Variants in IL1RAPL1 observed in about 807,000 individuals in gnomAD.
IL1RAPL1 encodes the protein interleukin-1 receptor accessory protein-like 1.
Under a neutral mutation model 48.4 loss-of-function variants are expected in IL1RAPL1, and 3 were observed. The observed-to-expected ratio is 0.06, with a 90% CI of 0.03 to 0.16. The LOEUF (loss-of-function observed/expected upper bound fraction) is 0.16, where lower values mean the gene tolerates loss of function less well. IL1RAPL1 is among the 10% of genes least tolerant of loss of function. IL1RAPL1 has a pLI of 1.00. For missense variants in IL1RAPL1, 349 were observed against 530.6 expected, an observed-to-expected ratio of 0.66 and a Z score of 3.36; for synonymous variants, 185 against 187.7, an observed-to-expected ratio of 0.99 and a Z score of 0.12.
At chrX:28,883,995 T>G (rs1257383536) in intron 2 of IL1RAPL1, among the ~76,000 whole-genome samples, 1 of 111,337 alleles carries the variant, frequency 9.0e-6, no homozygotes, top group Non-Finnish European at 1.9e-5. Flanking sequence ...AGACATGTAA[T>G]CTTGGGAGAA....
intron 1 of IL1RAPL1, among the ~76,000 whole-genome samples, chrX:28,639,376 C>A (rs952430043): frequency 3.6e-5 from 4 of 111,894 alleles, no homozygotes; most frequent in African/African-American, 1.3e-4. Context: ...AATGTTGTTT[C>A]CAACTCAATT....
intron 8 of IL1RAPL1, among the ~76,000 whole-genome samples, chrX:29,930,550 G>C (rs751381636): frequency 7.1e-4 from 79 of 111,854 alleles, no homozygotes; most frequent in African/African-American, 2.4e-3. Context: ...TGGTTACCTC[G>C]AGGTGGCATG....
intron 2 of IL1RAPL1, among the ~76,000 whole-genome samples, chrX:29,118,917 CAT>C (rs1387734631): frequency 9.0e-6 from 1 of 111,727 alleles, no homozygotes; most frequent in Non-Finnish European, 1.9e-5. Flanking sequence ...GATATCCTAA[CAT>C]GTATGAAGCA....
At chrX:29,167,151 T>A (rs904213258) in intron 2 of IL1RAPL1, among the ~76,000 whole-genome samples, 4 of 111,881 alleles carry the variant, frequency 3.6e-5, no homozygotes, top group Non-Finnish European at 7.5e-5. Flanking sequence ...TTGAACACGG[T>A]GAATTCTCAG....
intron 6 of IL1RAPL1, among the ~76,000 whole-genome samples, chrX:29,836,464 CAGG>C (rs1931009203): frequency 8.9e-6 from 1 of 111,896 alleles, no homozygotes; most frequent in Non-Finnish European, 1.9e-5. Context: ...GCTGGGATTA[CAGG>C]CATGAGCCAC....
Position 29,381,833 on chromosome X carries a change from A to AAAATAT in IL1RAPL1, c.363-14424_363-14423insAATATA, listed in dbSNP as rs1365599735. 6.1e-3 allele frequency among the ~76,000 whole-genome samples: 155 copies of AAAATAT among 25,224 alleles called. 2 individuals are homozygous for AAAATAT. The highest frequency in any genetic ancestry group is 9.7e-3 in the Non-Finnish European group (121 of 12,420). The allele number at this position is 25,224 out of a possible 115,157, so 21.9% of individuals were successfully genotyped here. Reference sequence around the variant, plus strand: ...TGTTGCCAAAAAAAAAAAAAAAAAAAATATATATATATATATATATATATA... The same window carrying AAAATAT: ...TGTTGCCAAAAAAAAAAAAAAAAAAAAAATATATATATATATATATATATATATATA... On this transcript the variant is annotated intron_variant, in intron 3 of 10. Transcript: ENST00000378993.
chrX:29,317,431 G>A (rs1334411925), intron 3 of IL1RAPL1, among the ~76,000 whole-genome samples: 10 of 112,056 alleles, frequency 8.9e-5, no homozygotes, highest in Non-Finnish European at 1.7e-4. Flanking sequence ...TTACAATTAT[G>A]ATTTATAGAT....
At chrX:28,947,619 C>A (rs1033626005) in intron 2 of IL1RAPL1, among the ~76,000 whole-genome samples, 1 of 110,675 alleles carries the variant, frequency 9.0e-6, no homozygotes, top group African/African-American at 3.3e-5. Flanking sequence ...GAGTATTAAC[C>A]CATTAGGGTG....
intron 1 of IL1RAPL1, among the ~76,000 whole-genome samples, chrX:28,644,124 T>C (rs1934580929): frequency 9.0e-6 from 1 of 111,629 alleles, no homozygotes; most frequent in Non-Finnish European, 1.9e-5. Context: ...AAGTGTTATA[T>C]ATATATATAA....
intron 3 of IL1RAPL1, among the ~76,000 whole-genome samples, chrX:29,347,864 C>T (rs1249404197): frequency 2.7e-5 from 3 of 111,426 alleles, no homozygotes; most frequent in East Asian, 5.6e-4. Flanking sequence ...TTAATCTGAT[C>T]ACCATGAGGG....
At chrX:29,944,262 A>T in intron 9 of IL1RAPL1, among the ~76,000 whole-genome samples, 1 of 111,270 alleles carries the variant, frequency 9.0e-6, no homozygotes, top group Admixed American at 9.6e-5. Context: ...ATGGGAAGAA[A>T]TTATTACTAG....
chrX:29,539,384 G>T (rs1455043060), intron 5 of IL1RAPL1, among the ~76,000 whole-genome samples: 1 of 111,550 alleles, frequency 9.0e-6, no homozygotes, highest in Non-Finnish European at 1.9e-5. Flanking sequence ...AAACCCTCAA[G>T]AAACTAGACA....
At chrX:29,112,706 TGTCTGACCATTCACTAGGACATTATA>T (rs1381939471) in intron 2 of IL1RAPL1, among the ~76,000 whole-genome samples, 1 of 110,789 alleles carries the variant, frequency 9.0e-6, no homozygotes, top group Admixed American at 9.6e-5. Context: ...TTCTCTTTCA[TGTCTGACCATTCACTAGGACATTATA>T]GTCTACTGCA....
At chrX:28,915,659 C>T (rs1259660057) in intron 2 of IL1RAPL1, among the ~76,000 whole-genome samples, 2 of 110,880 alleles carry the variant, frequency 1.8e-5, no homozygotes, top group Non-Finnish European at 3.8e-5. Context: ...CAGTGTTTTC[C>T]AGAGCCTGTT....
intron 5 of IL1RAPL1, among the ~76,000 whole-genome samples, chrX:29,664,089 C>T (rs1212983182): frequency 8.9e-6 from 1 of 112,025 alleles, no homozygotes; most frequent in Non-Finnish European, 1.9e-5. Context: ...GAAATCTTTC[C>T]TACTCTACCA....
chrX:29,227,064 C>G (rs1244424405), intron 2 of IL1RAPL1, among the ~76,000 whole-genome samples: 1 of 108,538 alleles, frequency 9.2e-6, no homozygotes, highest in African/African-American at 3.4e-5. Flanking sequence ...TGGCTTTTAT[C>G]CTATTAAATT....
chrX:28,951,924 A>C (rs765595147), intron 2 of IL1RAPL1, among the ~76,000 whole-genome samples: 16 of 111,166 alleles, frequency 1.4e-4, no homozygotes, highest in Non-Finnish European at 2.5e-4. Context: ...TATATGAGCT[A>C]TTGTGAGGCA....
intron 2 of IL1RAPL1, among the ~76,000 whole-genome samples, chrX:29,035,595 C>T (rs1360009659): frequency 2.7e-5 from 3 of 110,234 alleles, no homozygotes; most frequent in Admixed American, 1.9e-4. Flanking sequence ...GAGCCAGGAT[C>T]GCACCACTGC....
intron 1 of IL1RAPL1, among the ~76,000 whole-genome samples, chrX:28,760,959 G>A (rs905319290): frequency 1.2e-4 from 13 of 109,025 alleles, no homozygotes; most frequent in Admixed American, 2.0e-4. Context: ...GGTGGCGTGC[G>A]GTTATAGTCC....
Sources: allele counts gnomAD v4.1 joint callset (sites outside exome capture counted in the v4.1 genomes callset), GRCh38; gene constraint gnomAD v4.1.1; transcripts MANE v1.5; gene names NCBI Gene and HGNC (gene_info 2026-07-23, HGNC 2026-07-21).